Variants in RIF1 observed in about 807,000 individuals in gnomAD.
RIF1 encodes replication timing regulatory factor 1.
A neutral mutation model predicts 247.1 loss-of-function variants in RIF1; 45 were observed. That is an observed-to-expected ratio of 0.18 (90% CI 0.14 to 0.23). The LOEUF (loss-of-function observed/expected upper bound fraction) is 0.23. Ranked by LOEUF, RIF1 falls within the 10% of genes least tolerant of loss-of-function variation. The pLI, the probability that RIF1 is intolerant of heterozygous loss-of-function variation, is 1.00. For synonymous variants in RIF1, 1,087 were observed against 978.8 expected, an observed-to-expected ratio of 1.11 and a Z score of -2.06; for missense variants, 2,967 against 2,862.5, an observed-to-expected ratio of 1.04 and a Z score of -0.83.
chr2:151,417,842 T>C (rs1687478330), intron 6 of RIF1, among the ~76,000 whole-genome samples: 1 of 152,186 alleles, frequency 6.6e-6, no homozygotes, highest in Non-Finnish European at 1.5e-5. Flanking sequence ...CTAGGTGGAA[T>C]AGCCTACTAT....
Position 151,468,012 on chromosome 2 carries a change from T to A in RIF1, c.6613T>A (p.Ser2205Thr), listed in dbSNP as rs772837070. 62 of 1,610,798 alleles carry A rather than the reference T, an allele frequency of 3.8e-5. No individual in the cohort carries two copies. In the Admixed American group the frequency reaches 1.0e-3, roughly 26 times the overall value. ...SSPVNKVRRV[S>T]FADPIYQAGL... ...CCTGTGTTTTCAGGTTCGCCGTGTC[T>A]CCTTTGCAGATCCAATATACCAAGC... is the stretch of plus-strand genomic sequence containing the variant. Residue 2205 changes from serine (S) to threonine (T), a missense_variant, in exon 31 of 36, where the codon TCC (serine) becomes ACC (threonine). Ser to Thr is a moderately conservative substitution (Grantham distance 58). Coordinates refer to ENST00000444746, the MANE Select transcript of RIF1 (RefSeq NM_018151.5).
intron 9 of RIF1, chr2:151,490,099 C>T (rs569107587): frequency 1.3e-6 from 2 of 1,555,222 alleles, no homozygotes; most frequent in South Asian, 1.2e-5. Context: ...GGGGCAAATT[C>T]TTTATAAGAA....
chr2:151,459,966 ATTTAATGAAATT>A, intron 25 of RIF1, 22 bp from the exon 26 acceptor site: 1 of 1,477,490 alleles, frequency 6.8e-7, no homozygotes. Flanking sequence ...TTACCGTTCT[ATTTAATGAAATT>A]GTTTCATTTT....
At chr2:151,446,286 A>G in intron 19 of RIF1, 140 bp from the exon 20 acceptor site, 1 of 793,836 alleles carries the variant, frequency 1.3e-6, no homozygotes, top group Non-Finnish European at 2.0e-6. Context: ...GGCGTGAGCC[A>G]CTGCACCCGG....
chr2:151,410,245 G>C, intron 1 of RIF1, 169 bp from the exon 2 acceptor site: 1 of 636,264 alleles, frequency 1.6e-6, no homozygotes, highest in Non-Finnish European at 2.8e-6. Context: ...GTCGGGCGCC[G>C]GAGGAGGTTC....
intron 11 of RIF1, among the ~76,000 whole-genome samples, chr2:151,500,510 A>G (rs1457426139): frequency 1.3e-5 from 2 of 151,896 alleles, no homozygotes; most frequent in South Asian, 2.1e-4. Context: ...TGATTTGTAT[A>G]TTAAAAAAAA....
chr2:151,415,563 C>CAAAACAA (rs1687058708), intron 4 of RIF1, among the ~76,000 whole-genome samples: 1 of 44,872 alleles, frequency 2.2e-5, no homozygotes, highest in Non-Finnish European at 3.7e-5. Flanking sequence ...GACTCTGTCT[C>CAAAACAA]AAAAAAAAAA....
intron 35 of RIF1, 102 bp downstream of exon 35, chr2:151,474,174 C>G: frequency 1.5e-6 from 1 of 680,634 alleles, no homozygotes. Context: ...CTTATTTCAA[C>G]AATTATTTTA....
intron 13 of RIF1, chr2:151,507,683 T>C (rs1392937880): frequency 7.5e-6 from 2 of 267,834 alleles, no homozygotes; most frequent in Non-Finnish European, 1.4e-5. Flanking sequence ...GAAGCTTTTA[T>C]TGAATAAATT....
chr2:151,487,273 A>G (rs1301633846), intron 9 of RIF1, among the ~76,000 whole-genome samples: 2 of 152,180 alleles, frequency 1.3e-5, no homozygotes, highest in African/African-American at 4.8e-5. Context: ...TAAAATTGTA[A>G]TAATTTGGAG....
chr2:151,413,244 G>C (rs1300154142), intron 3 of RIF1, among the ~76,000 whole-genome samples: 2 of 151,844 alleles, frequency 1.3e-5, no homozygotes, highest in Non-Finnish European at 2.9e-5. Flanking sequence ...TGTTGATCAG[G>C]CTGGTCTCGA....
In RIF1 at chr2:151,451,655, A is replaced by G; in HGVS notation, c.2294A>G (p.Asp765Gly). Residue 765 changes from aspartate to glycine, a missense_variant, in exon 21 of 36, where the codon GAT becomes GGT. Transcript: ENST00000444746. Reference protein sequence around the residue: ...RIIYIITVMVDCIDFSPYNIK... With the variant: ...RIIYIITVMVGCIDFSPYNIK... ...ATTTATATTATTACTGTAATGGTTG[A>G]TTGCATTGACTTCTCACCATATAAT... The G allele has an allele frequency of 6.7e-7, 1 of 1,482,952 alleles. No homozygotes were observed. The highest frequency in any genetic ancestry group is 9.4e-7 in the Non-Finnish European group (1 of 1,062,052). 91.9% of individuals were successfully genotyped at this position (1,482,952 alleles called of 1,614,324 possible).
chr2:151,503,526 A>G (rs1396331583), intron 12 of RIF1: 6 of 802,808 alleles, frequency 7.5e-6, no homozygotes, highest in Non-Finnish European at 6.3e-6. Flanking sequence ...ATTTGGGGGA[A>G]ACTCATAAAA....
Position 151,457,894 on chromosome 2 carries a change from A to G in RIF1, c.2786A>G (p.Lys929Arg). The change falls in exon 24 of 36, where the codon AAA (lysine) becomes AGA (arginine). Residue 929 changes from lysine to arginine, a missense_variant. By Grantham distance (26) the Lys-to-Arg change is conservative. Transcript: ENST00000444746. Reference sequence around the variant, plus strand: ...CTGCACAAGAATAAACAGATTCGAAAACAGAGTGCTCAGTTCTGGAATGCC... The same window carrying G: ...CTGCACAAGAATAAACAGATTCGAAGACAGAGTGCTCAGTTCTGGAATGCC... ...IFLHKNKQIR[K>R]QSAQFWNATF... 6.2e-7 allele frequency: 1 copy of G among 1,613,934 alleles called. No homozygotes were observed. Among genetic ancestry groups the G allele is most frequent in the Non-Finnish European group, 8.5e-7 (1 of 1,179,914 alleles).
intron 35 of RIF1, 61 bp from the exon 36 acceptor site, chr2:151,474,796 T>C (rs1469374890): frequency 2.1e-6 from 2 of 941,514 alleles, no homozygotes; most frequent in African/African-American, 3.3e-5. Flanking sequence ...TAAAAGATCA[T>C]GTAAAAAATT....
At chr2:151,517,521 A>C in the RIF1 span, among the ~76,000 whole-genome samples, 1 of 152,202 alleles carries the variant, frequency 6.6e-6, no homozygotes, top group South Asian at 2.1e-4. Flanking sequence ...ATAGTCATGA[A>C]TTGCTTAACA....
intron 9 of RIF1, among the ~76,000 whole-genome samples, chr2:151,431,854 A>C (rs919350586): frequency 2.6e-5 from 4 of 152,212 alleles, no homozygotes; most frequent in African/African-American, 9.6e-5. Flanking sequence ...AGTGTCTTGG[A>C]CTGGAGAACT....
intron 18 of RIF1, 59 bp downstream of exon 18, chr2:151,443,768 G>A (rs1692766202): frequency 9.5e-7 from 1 of 1,048,608 alleles, no homozygotes; most frequent in Admixed American, 2.9e-5. Flanking sequence ...TGTTAGTGCA[G>A]TTGGGGAAAT....
chr2:151,425,286 G>T (rs1016324712), intron 8 of RIF1, among the ~76,000 whole-genome samples: 6 of 151,976 alleles, frequency 3.9e-5, no homozygotes, highest in African/African-American at 1.5e-4. Flanking sequence ...ATATGTTTTG[G>T]ATATGCATCC....
Sources: allele counts gnomAD v4.1 joint callset (sites outside exome capture counted in the v4.1 genomes callset), GRCh38; gene constraint gnomAD v4.1.1; transcripts MANE v1.5; gene names NCBI Gene and HGNC (gene_info 2026-07-23, HGNC 2026-07-21).